Variants in RBM45 observed in about 807,000 individuals in gnomAD.
RBM45 encodes the protein RNA binding motif protein 45, also known as RNA-binding protein 45.
A neutral mutation model predicts 58.5 loss-of-function variants in RBM45; 39 were observed. The ratio of observed to expected loss-of-function variants is 0.67; its 90% CI spans 0.52 to 0.87. The LOEUF is 0.87. RBM45 is among the 40% of genes least tolerant of loss of function. The pLI, the probability that RBM45 is intolerant of heterozygous loss-of-function variation, is 0.00. For missense variants in RBM45, 481 were observed against 581.6 expected, an observed-to-expected ratio of 0.83 and a Z score of 1.78; for synonymous variants, 193 against 203.0, an observed-to-expected ratio of 0.95 and a Z score of 0.42.
At chr2:178,115,449 T>C (rs1021071600) in intron 1 of RBM45, among the ~76,000 whole-genome samples, 4 of 152,208 alleles carry the variant, frequency 2.6e-5, no homozygotes, top group African/African-American at 7.2e-5. Context: ...ATTACTGATA[T>C]CAGCCACAAG....
intron 9 of RBM45, among the ~76,000 whole-genome samples, chr2:178,127,082 G>A (rs1006225499): frequency 1.3e-5 from 2 of 151,972 alleles, no homozygotes; most frequent in African/African-American, 4.8e-5. Context: ...GACTACAGGC[G>A]CGTACCACCA....
At chr2:178,134,817 C>T (rs778979230) in intron 3 of RBM45, among the ~76,000 whole-genome samples, 6 of 152,054 alleles carry the variant, frequency 3.9e-5, no homozygotes, top group African/African-American at 7.2e-5. Context: ...CCTGGTAAAT[C>T]CCTGTCTCTA....
At chr2:178,131,309 TTAATC>T (rs1400519379), downstream of RBM45, among the ~76,000 whole-genome samples, 4 of 152,226 alleles carry the variant, frequency 2.6e-5, no homozygotes, top group Non-Finnish European at 5.9e-5. Flanking sequence ...TGCCAGGTGG[TTAATC>T]TAAACAGTGT....
chr2:178,117,980 A>G (rs2087800224), intron 2 of RBM45, 75 bp from the exon 3 acceptor site: 3 of 1,291,646 alleles, frequency 2.3e-6, no homozygotes, highest in Non-Finnish European at 3.1e-6. Flanking sequence ...TCACATATAA[A>G]CAAATTTTTA....
At chr2:178,138,621 A>G (rs1328653262) in exon 4 of RBM45, 1 of 152,174 alleles carries the variant, frequency 6.6e-6, no homozygotes, top group Non-Finnish European at 1.5e-5. Flanking sequence ...CTTTCTGGAA[A>G]AAAATTAATC....
Position 178,126,066 on chromosome 2 carries a change from A to G in RBM45, c.1315A>G (p.Asn439Asp), listed in dbSNP as rs2087925401. Residue 439 changes from asparagine (N) to aspartate (D), a missense_variant, in exon 9 of 10, where the codon AAT (asparagine) becomes GAT (aspartate). Transcript: ENST00000286070. ...CAAGTATGCCGATAGAATAAGTGCT[A>G]ATGATGCCATTGCCACTCTACATGG... ...YAKYADRISA[N>D]DAIATLHGKI... 1 of 1,613,748 alleles carries G rather than the reference A, an allele frequency of 6.2e-7. No homozygotes were observed. The highest frequency in any genetic ancestry group is 8.5e-7 in the Non-Finnish European group (1 of 1,179,662).
At chr2:178,121,159 C>CT (rs757951584) in intron 4 of RBM45, 21 bp from the exon 5 acceptor site, 103 of 1,316,528 alleles carry the variant, frequency 7.8e-5, no homozygotes, top group Middle Eastern at 1.9e-4. Context: ...TAAAGATTTA[C>CT]TTTTTTTTAT....
chr2:178,134,391 C>T (rs776777691), downstream of RBM45, among the ~76,000 whole-genome samples: 2 of 152,166 alleles, frequency 1.3e-5, no homozygotes, highest in Non-Finnish European at 2.9e-5. Flanking sequence ...CCACCAATAA[C>T]TTCTGTGAAA....
intron 3 of RBM45, among the ~76,000 whole-genome samples, chr2:178,136,181 G>A (rs920317878): frequency 6.6e-6 from 1 of 152,136 alleles, no homozygotes; most frequent in African/African-American, 2.4e-5. Context: ...GTGGTGGCGG[G>A]CGCCTGTAGT....
At chr2:178,132,299 A>G (rs1204505702), downstream of RBM45, among the ~76,000 whole-genome samples, 1 of 152,226 alleles carries the variant, frequency 6.6e-6, no homozygotes, top group Admixed American at 6.5e-5. Context: ...ACATTTAGAA[A>G]ATGTTCAGTA....
At position 178,120,267 on chromosome 2, in the gene RBM45, A is replaced by G. The variant is rs2087831299; in HGVS notation, c.551-20A>G. The G allele has an allele frequency of 6.2e-7, 1 of 1,611,506 alleles. No homozygotes were observed. The highest frequency in any genetic ancestry group is 1.3e-5 in the African/African-American group (1 of 74,782). Reference sequence around the variant, plus strand: ...ATGTTAAATTTGCTGTGAAACTTGAAATTCATGGGGTTTTTTCAGGTTTTA... The same window carrying G: ...ATGTTAAATTTGCTGTGAAACTTGAGATTCATGGGGTTTTTTCAGGTTTTA... On this transcript the variant is annotated intron_variant, in intron 3 of 9. Coordinates refer to ENST00000286070, the MANE Select transcript of RBM45 (RefSeq NM_152945.4).
chr2:178,116,324 A>G lies in RBM45; in HGVS notation c.363A>G (p.Thr121=). The stretch of plus-strand genomic sequence containing the variant: ...GAGATGTTGAAGATGAAGAACTTAC[A>G]AGAATCTTTGTTATGATACCAAAGT... The part of the protein sequence containing the change: ...SHRDVEDEEL[T]RIFVMIPKSY... The change falls in exon 2 of 10, where the codon ACA becomes ACG. Residue 121 remains threonine, a synonymous_variant. Coordinates refer to ENST00000286070, the MANE Select transcript of RBM45 (RefSeq NM_152945.4). 6.2e-7 allele frequency: 1 copy of G among 1,613,312 alleles called. No homozygotes were observed. Among genetic ancestry groups the G allele is most frequent in the Non-Finnish European group, 8.5e-7 (1 of 1,179,722 alleles).
chr2:178,136,854 G>C (rs965010310), exon 4 of RBM45: 5 of 152,174 alleles, frequency 3.3e-5, no homozygotes, highest in African/African-American at 1.2e-4. Context: ...GTAAGCTGTG[G>C]AAGAGCTGAA....
exon 4 of RBM45, chr2:178,137,619 G>C (rs1322523209): frequency 1.3e-5 from 2 of 152,170 alleles, no homozygotes; most frequent in African/African-American, 2.4e-5. Flanking sequence ...AGGATTCCCA[G>C]TTACAGAGTT....
chr2:178,136,702 C>G (rs2088048407), exon 4 of RBM45: 2 of 152,228 alleles, frequency 1.3e-5, no homozygotes, highest in Admixed American at 1.3e-4. Context: ...CTTCTTTGCC[C>G]TGAGAACTTT....
In RBM45 at chr2:178,123,664, C is replaced by G; in HGVS notation, c.983+13C>G. On this transcript the variant is annotated intron_variant, in intron 6 of 9. Coordinates refer to ENST00000286070, the MANE Select transcript of RBM45 (RefSeq NM_152945.4). ...GTAATGCAACAGAGTAAGTACCATT[C>G]CAGGAGTGTCTAAAGCCGAGCTTTG... The G allele has an allele frequency of 6.3e-7, 1 of 1,595,734 alleles. No individual in the cohort carries two copies. The highest frequency in any genetic ancestry group is 8.5e-7 in the Non-Finnish European group (1 of 1,173,452).
intron 3 of RBM45, among the ~76,000 whole-genome samples, chr2:178,135,198 T>A: frequency 6.6e-6 from 1 of 152,222 alleles, no homozygotes; most frequent in South Asian, 2.1e-4. Context: ...AAGATTTTAA[T>A]CTGTTACTTA....
chr2:178,113,393 G>T (rs2105896637), intron 1 of RBM45, among the ~76,000 whole-genome samples: 1 of 152,306 alleles, frequency 6.6e-6, no homozygotes, highest in African/African-American at 2.4e-5. Context: ...AATAAGTGCA[G>T]GTGTTTAAAA....
In RBM45 at chr2:178,124,171, A is replaced by T. The variant is rs1313627134; in HGVS notation, c.1113A>T (p.Thr371=). 6.2e-7 allele frequency: 1 copy of T among 1,607,174 alleles called. No homozygotes were observed. Residue 371 remains threonine (T), a synonymous_variant, in exon 8 of 10, where the codon ACA becomes ACT. Transcript: ENST00000286070. ...SSGSQLPQIQ[T]DVVLPSCKKK... is the part of the protein sequence containing the mutation. The stretch of plus-strand genomic sequence containing the variant: ...GATCACAGTTGCCTCAAATCCAGAC[A>T]GATGTTGTACTTCCATCATGCAAAA...
Sources: allele counts gnomAD v4.1 joint callset (sites outside exome capture counted in the v4.1 genomes callset), GRCh38; gene constraint gnomAD v4.1.1; transcripts MANE v1.5; gene names NCBI Gene and HGNC (gene_info 2026-07-23, HGNC 2026-07-21).